The following DLG2 variants were observed in gnomAD, a reference collection of about 807,000 sequenced individuals.
DLG2 encodes discs large MAGUK scaffold protein 2, also known as disks large homolog 2.
A neutral mutation model predicts 132.5 loss-of-function variants in DLG2; 45 were observed. The observed-to-expected ratio is 0.34, with a 90% CI of 0.27 to 0.44. The LOEUF is 0.44. Among genes scored for constraint, DLG2 ranks in the 20% least tolerant of loss-of-function variants. DLG2 has a pLI of 1.00. For missense variants in DLG2, 1,045 were observed against 1,196.9 expected (o/e 0.87, Z 1.87); for synonymous variants, 424 against 419.6 (o/e 1.01, Z -0.13).
At chr11:84,186,332 T>A (rs1210956549) in intron 8 of DLG2, among the ~76,000 whole-genome samples, 1 of 152,080 alleles carries the variant, frequency 6.6e-6, no homozygotes, top group African/African-American at 2.4e-5. Flanking sequence ...CCCACAGGTT[T>A]CTGAAAATCT....
chr11:84,811,249 G>A (rs2076528536), intron 6 of DLG2, among the ~76,000 whole-genome samples: 2 of 152,074 alleles, frequency 1.3e-5, no homozygotes, highest in Admixed American at 1.3e-4. Flanking sequence ...CCACCAGCTG[G>A]TATATAAGGT....
chr11:83,732,687 AC>A (rs1566745570), intron 18 of DLG2, among the ~76,000 whole-genome samples: 1 of 152,220 alleles, frequency 6.6e-6, no homozygotes, highest in African/African-American at 2.4e-5. Flanking sequence ...TGCAAATTAA[AC>A]AATCTAAAAT....
chr11:84,240,002 A>G (rs2097206058), intron 8 of DLG2, among the ~76,000 whole-genome samples: 1 of 152,176 alleles, frequency 6.6e-6, no homozygotes, highest in African/African-American at 2.4e-5. Context: ...GGCATCTCAG[A>G]ATAAAGGTTA....
intron 16 of DLG2, among the ~76,000 whole-genome samples, chr11:83,852,907 C>T (rs1172559684): frequency 6.6e-6 from 1 of 152,180 alleles, no homozygotes; most frequent in African/African-American, 2.4e-5. Context: ...CCTTTCTACC[C>T]AGACTCCTGC....
At chr11:84,899,070 T>G (rs2090562607) in intron 6 of DLG2, among the ~76,000 whole-genome samples, 1 of 152,060 alleles carries the variant, frequency 6.6e-6, no homozygotes, top group Admixed American at 6.6e-5. Context: ...TAAAATAGGC[T>G]TCAATTCCGG....
At chr11:83,829,218 A>C (rs1470799376) in intron 17 of DLG2, among the ~76,000 whole-genome samples, 1 of 79,836 alleles carries the variant, frequency 1.3e-5, no homozygotes. Flanking sequence ...TTTTTTTTTG[A>C]CAGAGTCTCA....
chr11:85,168,006 G>GA (rs1021155451), intron 4 of DLG2, among the ~76,000 whole-genome samples: 5 of 152,046 alleles, frequency 3.3e-5, no homozygotes, highest in African/African-American at 4.8e-5. Flanking sequence ...AGGATTCCTT[G>GA]AAAAAACTGG....
chr11:83,649,617 T>C (rs1336268755), intron 18 of DLG2, among the ~76,000 whole-genome samples: 1 of 152,160 alleles, frequency 6.6e-6, no homozygotes, highest in African/African-American at 2.4e-5. Flanking sequence ...TCTAATTCCC[T>C]TACTTCCCCT....
chr11:83,509,428 G>A (rs1592130165), intron 21 of DLG2, among the ~76,000 whole-genome samples: 1 of 152,150 alleles, frequency 6.6e-6, no homozygotes, highest in South Asian at 2.1e-4. Context: ...CACCTACAGA[G>A]CATATTTTCC....
At chr11:84,633,610 T>G (rs1023482725) in intron 6 of DLG2, among the ~76,000 whole-genome samples, 13 of 146,640 alleles carry the variant, frequency 8.9e-5, no homozygotes, top group African/African-American at 3.3e-4. Flanking sequence ...GTATTATGAC[T>G]ATTTAAAAAA....
intron 7 of DLG2, among the ~76,000 whole-genome samples, chr11:84,424,775 A>C (rs2098961199): frequency 6.6e-6 from 1 of 152,106 alleles, no homozygotes; most frequent in Non-Finnish European, 1.5e-5. Context: ...CTTCCTAAGA[A>C]TGTAATCAAA....
rs550426459 is a variant in DLG2, at chr11:84,798,431, A to C, written c.358-263700T>G. On this transcript the variant is annotated intron_variant, in intron 6 of 27. Coordinates refer to ENST00000376104, the MANE Select transcript of DLG2 (RefSeq NM_001142699.3). ...TTCCTCTCTTTTCCACAGGCAAAGG[A>C]GGCTCTCTCCATGATCATCACCACC... 2.0e-5 allele frequency among the ~76,000 whole-genome samples: 3 copies of C among 152,242 alleles called. No individual in the cohort carries two copies. In the East Asian group the frequency reaches 5.8e-4, roughly 29 times the overall value.
At chr11:83,745,659 T>C (rs1320887284) in intron 18 of DLG2, among the ~76,000 whole-genome samples, 3 of 151,830 alleles carry the variant, frequency 2.0e-5, no homozygotes, top group African/African-American at 7.3e-5. Flanking sequence ...AAAATTAGCC[T>C]GGCGTGGTGG....
At chr11:85,077,734 AAAGAAAAAGAG>A (rs1566801519) in intron 6 of DLG2, among the ~76,000 whole-genome samples, 1 of 152,106 alleles carries the variant, frequency 6.6e-6, no homozygotes, top group African/African-American at 2.4e-5. Flanking sequence ...GAATATGTTC[AAAGAAAAAGAG>A]AAGAAAAAAG....
At position 83,583,817 on chromosome 11, in the gene DLG2, GAAAGA is replaced by G. The variant is rs141558049; in HGVS notation, c.1941-41964_1941-41960del. Reference sequence around the variant, plus strand: ...GTAATGAATGAACACTTTATATACTGAAAGAAAATAGGTAAGATTCAAAATGCAAA... The same window carrying G: ...GTAATGAATGAACACTTTATATACTGAAATAGGTAAGATTCAAAATGCAAA... On this transcript the variant is annotated intron_variant, in intron 19 of 27. Coordinates refer to ENST00000376104, the MANE Select transcript of DLG2 (RefSeq NM_001142699.3). Among the ~76,000 whole-genome samples the G allele has an allele frequency of 2.6e-3, 403 of 152,232 alleles. 5 individuals carry two copies. Among genetic ancestry groups the G allele is most frequent in the East Asian group, 0.016 (81 of 5,186 alleles).
chr11:83,862,109 G>A (rs1335200295), intron 16 of DLG2, among the ~76,000 whole-genome samples: 10 of 152,126 alleles, frequency 6.6e-5, no homozygotes, highest in Admixed American at 6.5e-4. Context: ...CAAAAGAAAG[G>A]AAATCAGTAT....
At chr11:84,791,446 A>C (rs1314163002) in intron 6 of DLG2, among the ~76,000 whole-genome samples, 3 of 152,016 alleles carry the variant, frequency 2.0e-5, no homozygotes, top group Non-Finnish European at 2.9e-5. Flanking sequence ...ATTTCATATA[A>C]ATTTTAGGAT....
intron 6 of DLG2, among the ~76,000 whole-genome samples, chr11:84,703,721 G>A (rs915788111): frequency 6.6e-6 from 1 of 151,066 alleles, no homozygotes; most frequent in African/African-American, 2.4e-5. Context: ...CTTCAATTTT[G>A]AAGATATTCT....
At chr11:84,273,002 C>A (rs542635063) in intron 7 of DLG2, 37 of 603,966 alleles carry the variant, frequency 6.1e-5, no homozygotes, top group South Asian at 4.0e-4. Context: ...CAGAGAAAAA[C>A]CATATATTTA....
Sources: allele counts gnomAD v4.1 joint callset (sites outside exome capture counted in the v4.1 genomes callset), GRCh38; gene constraint gnomAD v4.1.1; transcripts MANE v1.5; gene names NCBI Gene and HGNC (gene_info 2026-07-23, HGNC 2026-07-21).